Variants in RAPGEF6 observed in about 807,000 individuals in gnomAD.
RAPGEF6 encodes the protein Rap guanine nucleotide exchange factor 6, also known as PDZ domain containing guanine nucleotide exchange factor (GEF) 2.
RAPGEF6 carries 56 observed loss-of-function variants against 171.4 expected under a neutral mutation model. The ratio of observed to expected loss-of-function variants is 0.33; its 90% confidence interval spans 0.26 to 0.41. The LOEUF is 0.41. Among genes scored for constraint, RAPGEF6 ranks in the 10% least tolerant of loss-of-function variants. The probability of loss-of-function intolerance (pLI) is 1.00; values close to 1 mark genes in which losing one functional copy is unlikely to be tolerated. For missense variants in RAPGEF6, 1,674 were observed against 1,921.4 expected, an observed-to-expected ratio of 0.87 and a Z score of 2.41; for synonymous variants, 692 against 650.1, an observed-to-expected ratio of 1.06 and a Z score of -0.98.
intron 7 of RAPGEF6, among the ~76,000 whole-genome samples, chr5:131,520,360 AG>A (rs1042765605): frequency 6.6e-6 from 1 of 152,240 alleles, no homozygotes; most frequent in Non-Finnish European, 1.5e-5. Flanking sequence ...AATATGCAAA[AG>A]TAATGTAAGG....
Position 131,433,569 on chromosome 5 carries a change from A to G in RAPGEF6, c.3835T>C (p.Cys1279Arg), listed in dbSNP as rs1561460638. Residue 1279 changes from cysteine to arginine, a missense_variant, in exon 25 of 28, where the codon TGT becomes CGT. This residue lies in a region of RAPGEF6 where 552 missense variants were observed against 574.2 expected (regional missense o/e 0.96). Coordinates refer to ENST00000509018, the MANE Select transcript of RAPGEF6 (RefSeq NM_016340.6). ...GCTGCAGACATGGAGTCAACAGAAC[A>G]ATTGCTCACGATGCTGGACCGTGAA... Reference protein sequence around the residue: ...ISSRSSIVSNCSVDSMSAALQ... With the variant: ...ISSRSSIVSNRSVDSMSAALQ... The G allele has an allele frequency of 6.2e-7, 1 of 1,613,784 alleles. No individual in the cohort carries two copies. Among genetic ancestry groups the G allele is most frequent in the Non-Finnish European group, 8.5e-7 (1 of 1,179,674 alleles).
chr5:131,448,849 T>A lies in RAPGEF6; in HGVS notation c.3201-2146A>T, dbSNP rs566539193. Among the ~76,000 whole-genome samples, 5 of 152,244 alleles carry A rather than the reference T, an allele frequency of 3.3e-5. No homozygotes were observed. The East Asian group carries it at 7.7e-4, about 24-fold the overall frequency. On this transcript the variant is annotated intron_variant, in intron 21 of 27. Transcript: ENST00000509018. ...ATTGTCCAAGTATTCTTCTTTATAATAGTAATGCCAGGTATCAATTTCTAT... is the reference window on the plus strand; with the variant it reads ...ATTGTCCAAGTATTCTTCTTTATAAAAGTAATGCCAGGTATCAATTTCTAT...
At chr5:131,618,311 C>CTG (rs1276269249) in intron 1 of RAPGEF6, among the ~76,000 whole-genome samples, 2 of 152,066 alleles carry the variant, frequency 1.3e-5, no homozygotes, top group Admixed American at 1.3e-4. Flanking sequence ...CAGAAAACAA[C>CTG]TAACAAATGT....
In RAPGEF6 at chr5:131,492,789, T is replaced by C. The variant is rs970527290; in HGVS notation, c.1528-4A>G. On this transcript the variant is annotated splice_polypyrimidine_tract_variant and splice_region_variant and intron_variant, in intron 13 of 27. Transcript: ENST00000509018. ...ACCGGAGATGACCATTCATCTTCTG[T>C]TAAGCAGAAAAGGATAAATGTATAT... The C allele has an allele frequency of 1.9e-6, 3 of 1,608,406 alleles. No homozygotes were observed. The highest frequency in any genetic ancestry group is 1.7e-5 in the Admixed American group (1 of 60,012).
rs775971194 is a variant in RAPGEF6 at position 131,635,115 on chromosome 5, C to T, written c.-85G>A. On this transcript the variant is annotated 5_prime_UTR_variant, in exon 1 of 28. Coordinates refer to ENST00000509018, the MANE Select transcript of RAPGEF6 (RefSeq NM_016340.6). ...ACTAGGTAGCGGGTGCGGTACCTTT[C>T]CCCCGCCCCAAGGAGGGAACTTCGC... 74 of 1,353,690 alleles carry T rather than the reference C, an allele frequency of 5.5e-5. No homozygotes were observed. The highest frequency in any genetic ancestry group is 6.9e-5 in the Non-Finnish European group (70 of 1,009,658). 83.9% of individuals were successfully genotyped at this position (1,353,690 alleles called of 1,614,324 possible). A position where few individuals can be genotyped will look rare whatever the true frequency, so the allele number is the denominator to read the frequency against.
At chr5:131,544,140 G>T (rs1167512776) in intron 6 of RAPGEF6, among the ~76,000 whole-genome samples, 1 of 152,068 alleles carries the variant, frequency 6.6e-6, no homozygotes, top group Non-Finnish European at 1.5e-5. Context: ...TAACAATTTT[G>T]GTAGTTTCTT....
intron 14 of RAPGEF6, 73 bp downstream of exon 14, chr5:131,492,509 A>G (rs1756349246): frequency 6.2e-6 from 9 of 1,440,266 alleles, no homozygotes; most frequent in South Asian, 1.2e-5. Flanking sequence ...TGCTTTCTGG[A>G]AGATGAGAAC....
At chr5:131,605,217 A>G (rs1306418435) in intron 1 of RAPGEF6, among the ~76,000 whole-genome samples, 2 of 152,210 alleles carry the variant, frequency 1.3e-5, no homozygotes, top group African/African-American at 4.8e-5. Flanking sequence ...ATCTTTCTCT[A>G]TTCCTCACCC....
intron 13 of RAPGEF6, among the ~76,000 whole-genome samples, chr5:131,493,951 G>A (rs898062890): frequency 3.3e-5 from 5 of 152,100 alleles, no homozygotes; most frequent in Non-Finnish European, 7.4e-5. Context: ...ATGTGCTGCC[G>A]AGAAGTCAAT....
chr5:131,621,242 G>T (rs1025145046), intron 1 of RAPGEF6, among the ~76,000 whole-genome samples: 4 of 152,140 alleles, frequency 2.6e-5, no homozygotes, highest in Non-Finnish European at 5.9e-5. Flanking sequence ...ATATAAAATG[G>T]TGTAGTATTT....
chr5:131,439,435 C>T, intron 24 of RAPGEF6, 146 bp downstream of exon 24: 1 of 1,354,944 alleles, frequency 7.4e-7, no homozygotes, highest in Non-Finnish European at 9.7e-7. Context: ...CTGAATAATG[C>T]AATACAAAAC....
In RAPGEF6 at chr5:131,603,268, T is replaced by A. The variant is rs1182552570; in HGVS notation, c.197+3A>T. The A allele has an allele frequency of 3.2e-6, 5 of 1,583,430 alleles. No individual in the cohort carries two copies. Among genetic ancestry groups the A allele is most frequent in the South Asian group, 1.2e-5 (1 of 84,848 alleles). ...AGTTTATGTGAATTATGGAAATACTTACCAAAAGAGAACCTGATTGCCACT... is the reference window on the plus strand; with the variant it reads ...AGTTTATGTGAATTATGGAAATACTAACCAAAAGAGAACCTGATTGCCACT... On this transcript the variant is annotated splice_donor_region_variant and intron_variant, in intron 3 of 27. Coordinates refer to ENST00000509018, the MANE Select transcript of RAPGEF6 (RefSeq NM_016340.6).
chr5:131,467,413 G>A lies in RAPGEF6; in HGVS notation c.2240-3132C>T, dbSNP rs149611237. 2.7e-3 allele frequency among the ~76,000 whole-genome samples: 405 copies of A among 152,308 alleles called. 2 individuals carry two copies. Among genetic ancestry groups the A allele is most frequent in the Non-Finnish European group, 4.2e-3 (289 of 68,030 alleles). On this transcript the variant is annotated intron_variant, in intron 17 of 27. Coordinates refer to ENST00000509018, the MANE Select transcript of RAPGEF6 (RefSeq NM_016340.6). The stretch of plus-strand genomic sequence containing the variant: ...AGGTAACAAATGTCAACTTGGAAAA[G>A]CAATGGAGAGCCATCAGAGGAAAAT...
chr5:131,535,381 A>G (rs1264609442), intron 6 of RAPGEF6, among the ~76,000 whole-genome samples: 1 of 152,210 alleles, frequency 6.6e-6, no homozygotes, highest in Non-Finnish European at 1.5e-5. Flanking sequence ...AATAACTAAA[A>G]TAAATGACTA....
At chr5:131,503,925 T>C (rs1486395931) in intron 11 of RAPGEF6, among the ~76,000 whole-genome samples, 1 of 152,208 alleles carries the variant, frequency 6.6e-6, no homozygotes, top group African/African-American at 2.4e-5. Context: ...CATATTTCAG[T>C]GCCACAGAGA....
chr5:131,554,978 A>G (rs993956925), intron 5 of RAPGEF6, among the ~76,000 whole-genome samples: 1 of 152,222 alleles, frequency 6.6e-6, no homozygotes, highest in African/African-American at 2.4e-5. Context: ...TAAAAAGCAC[A>G]TAATGTGGTG....
chr5:131,424,521 A>G lies in RAPGEF6; in HGVS notation c.*2745T>C, dbSNP rs935503517. Reference sequence around the variant, plus strand: ...TGTAGAGGAAAGAACACTTGATAAAAATTAGATTTGTTCTTAAAAACACCC... The same window carrying G: ...TGTAGAGGAAAGAACACTTGATAAAGATTAGATTTGTTCTTAAAAACACCC... On this transcript the variant is annotated 3_prime_UTR_variant, in exon 28 of 28. Transcript: ENST00000509018. 1 of 152,326 alleles carries G rather than the reference A, an allele frequency of 6.6e-6. No individual in the cohort carries two copies. The highest frequency in any genetic ancestry group is 1.5e-5 in the Non-Finnish European group (1 of 68,026). The allele number at this position is 152,326 out of a possible 1,614,324, so 9.4% of individuals were successfully genotyped here.
At chr5:131,435,715 C>T (rs1751968779) in intron 24 of RAPGEF6, 1 of 723,688 alleles carries the variant, frequency 1.4e-6, no homozygotes, top group Non-Finnish European at 2.0e-6. Flanking sequence ...ACATATTTCA[C>T]TCACAGATCC....
At chr5:131,504,591 A>G (rs2149888386) in intron 11 of RAPGEF6, 35 bp downstream of exon 11, 1 of 1,530,928 alleles carries the variant, frequency 6.5e-7, no homozygotes, top group East Asian at 2.3e-5. Context: ...GATAGAATAA[A>G]ATCAGTGACT....
Sources: gnomAD v4.1 joint callset for allele counts (sites outside exome capture counted in the v4.1 genomes callset) on GRCh38, gnomAD v4.1.1 for gene constraint, gnomAD v4.1.1 regional missense constraint, MANE v1.5 for transcripts, NCBI Gene and HGNC (gene_info 2026-07-23, HGNC 2026-07-21) for gene names.